The following PLCL1 variants were observed in gnomAD, a reference collection of about 807,000 sequenced individuals.
PLCL1 encodes the protein phospholipase C like 1 (inactive), also known as inactive phospholipase C-like protein 1.
Under a neutral mutation model 84.4 loss-of-function variants are expected in PLCL1, and 41 were observed. That is an observed-to-expected ratio of 0.49 (90% CI 0.38 to 0.63). The LOEUF (loss-of-function observed/expected upper bound fraction) is 0.63. PLCL1 is among the 30% of genes least tolerant of loss of function. The pLI is 0.00. For synonymous variants in PLCL1, 490 were observed against 488.3 expected, an observed-to-expected ratio of 1.00 and a Z score of -0.05; for missense variants, 1,206 against 1,367.8, an observed-to-expected ratio of 0.88 and a Z score of 1.87.
chr2:197,935,424 A>G (rs1010548856), intron 1 of PLCL1, among the ~76,000 whole-genome samples: 1 of 152,208 alleles, frequency 6.6e-6, no homozygotes, highest in African/African-American at 2.4e-5. Flanking sequence ...GATGCTATTA[A>G]TATGTAACCA....
intron 1 of PLCL1, among the ~76,000 whole-genome samples, chr2:197,991,398 C>G (rs1450087148): frequency 2.0e-5 from 3 of 151,852 alleles, no homozygotes; most frequent in African/African-American, 7.3e-5. Context: ...CTCATAATCT[C>G]TCTCTCCACT....
chr2:197,897,064 C>G (rs946650744), intron 1 of PLCL1, among the ~76,000 whole-genome samples: 2 of 151,906 alleles, frequency 1.3e-5, no homozygotes, highest in African/African-American at 4.8e-5. Context: ...TTGAACATTT[C>G]CATAATGATA....
chr2:198,048,507 C>T (rs1194690363), intron 1 of PLCL1, among the ~76,000 whole-genome samples: 1 of 152,208 alleles, frequency 6.6e-6, no homozygotes, highest in Non-Finnish European at 1.5e-5. Flanking sequence ...AGCATGGCAC[C>T]AGCATCTGCT....
At chr2:198,113,362 C>T (rs1693667385) in intron 5 of PLCL1, among the ~76,000 whole-genome samples, 1 of 151,914 alleles carries the variant, frequency 6.6e-6, no homozygotes, top group Non-Finnish European at 1.5e-5. Flanking sequence ...TCTGTTACGT[C>T]TTTACTAGGT....
chr2:197,869,973 A>G (rs1040279823), intron 1 of PLCL1, among the ~76,000 whole-genome samples: 4 of 152,118 alleles, frequency 2.6e-5, no homozygotes, highest in Non-Finnish European at 5.9e-5. Flanking sequence ...AGTGTTATTT[A>G]TCAGAAATCT....
At chr2:198,141,947 G>T (rs1694397364) in intron 5 of PLCL1, among the ~76,000 whole-genome samples, 1 of 152,104 alleles carries the variant, frequency 6.6e-6, no homozygotes, top group South Asian at 2.1e-4. Flanking sequence ...AAATATTTGT[G>T]GTGTGCTCTG....
chr2:197,941,554 G>C (rs970254163), intron 1 of PLCL1, among the ~76,000 whole-genome samples: 1 of 152,240 alleles, frequency 6.6e-6, no homozygotes, highest in African/African-American at 2.4e-5. Context: ...CAAAGTGTTA[G>C]ATTACTGGCG....
chr2:197,897,177 CTTCTT>C (rs1559038628), intron 1 of PLCL1, among the ~76,000 whole-genome samples: 5 of 28,790 alleles, frequency 1.7e-4, no homozygotes, highest in African/African-American at 9.4e-4. Context: ...TCTTCTTCTT[CTTCTT>C]CTTCTTCTCC....
At chr2:197,832,905 A>G (rs1374459716) in intron 1 of PLCL1, among the ~76,000 whole-genome samples, 2 of 152,220 alleles carry the variant, frequency 1.3e-5, no homozygotes, top group African/African-American at 2.4e-5. Flanking sequence ...CAAAAAACAC[A>G]TGATTATCTC....
intron 3 of PLCL1, among the ~76,000 whole-genome samples, chr2:198,090,322 T>C (rs745633842): frequency 3.3e-5 from 5 of 151,996 alleles, no homozygotes; most frequent in Non-Finnish European, 7.4e-5. Flanking sequence ...CCTAAGTTGC[T>C]AGCAGGTTAT....
rs371187633 is a variant in PLCL1, at chr2:197,875,935, T to C, written c.240+70596T>C. 2.0e-4 allele frequency among the ~76,000 whole-genome samples: 31 copies of C among 152,288 alleles called. No homozygotes were observed. The South Asian group carries it at 6.2e-3, about 31-fold the overall frequency. On this transcript the variant is annotated intron_variant, in intron 1 of 5. Transcript: ENST00000428675. ...AGTAAATGTTTGGCTGAGCCTGGAA[T>C]TGAAATGCAGTTCTTTTAACATTCC...
chr2:197,957,276 T>G (rs1489422250), intron 1 of PLCL1, among the ~76,000 whole-genome samples: 1 of 152,106 alleles, frequency 6.6e-6, no homozygotes, highest in Non-Finnish European at 1.5e-5. Flanking sequence ...AAGTTCTTTA[T>G]GTTGTATCCT....
chr2:197,927,462 T>G (rs1205083872), intron 1 of PLCL1, among the ~76,000 whole-genome samples: 1 of 152,230 alleles, frequency 6.6e-6, no homozygotes, highest in Non-Finnish European at 1.5e-5. Context: ...TGATATGTTC[T>G]TCTATCATTT....
chr2:197,817,367 CGTGTGCACGTGTGTGTGT>C (rs974746358), intron 1 of PLCL1, among the ~76,000 whole-genome samples: 45 of 151,478 alleles, frequency 3.0e-4, no homozygotes, highest in Admixed American at 2.0e-3. Flanking sequence ...TGTGCGTGTG[CGTGTGCACGTGTGTGTGT>C]GTGTGTATAC....
chr2:198,134,034 G>T (rs1215298413), intron 5 of PLCL1, among the ~76,000 whole-genome samples: 2 of 152,030 alleles, frequency 1.3e-5, no homozygotes, highest in African/African-American at 2.4e-5. Flanking sequence ...GGATAGATGG[G>T]GATAGGTAAG....
intron 1 of PLCL1, among the ~76,000 whole-genome samples, chr2:198,018,776 C>T (rs576196177): frequency 1.3e-5 from 2 of 152,344 alleles, no homozygotes; most frequent in East Asian, 3.9e-4. Context: ...GACAGAGCAC[C>T]TGCAGGAAGG....
At chr2:198,015,163 A>G (rs1690968276) in intron 1 of PLCL1, among the ~76,000 whole-genome samples, 1 of 152,182 alleles carries the variant, frequency 6.6e-6, no homozygotes, top group African/African-American at 2.4e-5. Context: ...TATAGAGATT[A>G]TAACTGCATG....
In PLCL1 at chr2:198,000,200, C is replaced by T. The variant is rs150632339; in HGVS notation, c.241-83558C>T. On this transcript the variant is annotated intron_variant, in intron 1 of 5. Coordinates refer to ENST00000428675, the MANE Select transcript of PLCL1 (RefSeq NM_006226.4). ...GTTTCAGTTTTGGCCAAGTTTCGTA[C>T]ATCTTAATTGCGATACTTTGCACCC... Among the ~76,000 whole-genome samples the T allele has an allele frequency of 1.5e-3, 228 of 152,232 alleles. 1 individual carries two copies. Among genetic ancestry groups the T allele is most frequent in the African/African-American group, 5.2e-3 (217 of 41,548 alleles).
intron 1 of PLCL1, among the ~76,000 whole-genome samples, chr2:198,020,976 A>T (rs1691119778): frequency 6.6e-6 from 1 of 152,222 alleles, no homozygotes; most frequent in African/African-American, 2.4e-5. Flanking sequence ...CACTTATTTT[A>T]AAATGGACCA....
Sources: gnomAD v4.1 joint callset for allele counts (sites outside exome capture counted in the v4.1 genomes callset) on GRCh38, gnomAD v4.1.1 for gene constraint, MANE v1.5 for transcripts, NCBI Gene and HGNC (gene_info 2026-07-23, HGNC 2026-07-21) for gene names.